Variants in RUVBL2 observed in about 807,000 individuals in gnomAD.
RUVBL2 encodes RuvB like AAA ATPase 2, also known as ruvB-like 2.
Under a neutral mutation model 57.9 loss-of-function variants are expected in RUVBL2, and 9 were observed. The observed-to-expected ratio is 0.16, with a 90% CI of 0.09 to 0.27. RUVBL2 has a LOEUF of 0.27. Among genes scored for constraint, RUVBL2 ranks in the 10% least tolerant of loss-of-function variants. The pLI is 1.00. For synonymous variants in RUVBL2, 278 were observed against 264.6 expected, an observed-to-expected ratio of 1.05 and a Z score of -0.49; for missense variants, 456 against 669.6, an observed-to-expected ratio of 0.68 and a Z score of 3.52.
At chr19:48,993,548 G>A (rs893379915), upstream of RUVBL2, 18 of 461,118 alleles carry the variant, frequency 3.9e-5, no homozygotes, top group South Asian at 1.5e-4. Context: ...TCTGGAGCTG[G>A]AGGCCTCAAA....
rs758169044 is a variant in RUVBL2, at chr19:49,004,343, C to T, written c.190C>T (p.Arg64Trp). The change falls in exon 4 of 15, where the codon CGG (arginine) becomes TGG (tryptophan). Residue 64 changes from arginine to tryptophan, a missense_variant. This residue lies in a region of RUVBL2 where 233 missense variants were observed against 306.0 expected (regional missense o/e 0.76). Transcript: ENST00000595090. ...RAAGVVLEMI[R>W]EGKIAGRAVL... is the part of the protein sequence containing the mutation. Reference sequence around the variant, plus strand: ...GGCTGGCGTGGTGCTGGAGATGATCCGGGAAGGGAAGATTGCCGGTCGGGC... The same window carrying T: ...GGCTGGCGTGGTGCTGGAGATGATCTGGGAAGGGAAGATTGCCGGTCGGGC... The T allele has an allele frequency of 1.1e-5, 18 of 1,612,490 alleles. No individual in the cohort carries two copies. Among genetic ancestry groups the T allele is most frequent in the Non-Finnish European group, 1.4e-5 (16 of 1,179,886 alleles).
At chr19:49,002,575 G>A (rs1336807952) in intron 2 of RUVBL2, among the ~76,000 whole-genome samples, 1 of 152,032 alleles carries the variant, frequency 6.6e-6, no homozygotes, top group East Asian at 1.9e-4. Context: ...AGCAGCCAGG[G>A]CTCTTGTTTC....
intron 12 of RUVBL2, 151 bp from the exon 13 acceptor site, chr19:49,014,870 C>T (rs894053984): frequency 1.7e-5 from 20 of 1,206,822 alleles, no homozygotes; most frequent in Admixed American, 2.6e-5. Flanking sequence ...CCCCTGTCTC[C>T]GTGGCTCTTC....
At chr19:49,005,921 G>C (rs2039273802) in intron 4 of RUVBL2, among the ~76,000 whole-genome samples, 1 of 152,294 alleles carries the variant, frequency 6.6e-6, no homozygotes, top group African/African-American at 2.4e-5. Context: ...ATTACAGGCG[G>C]GAGCCTGTAG....
chr19:49,007,646 C>T (rs912580228), intron 6 of RUVBL2, among the ~76,000 whole-genome samples: 2 of 152,120 alleles, frequency 1.3e-5, no homozygotes, highest in Admixed American at 6.5e-5. Flanking sequence ...CTTCAAAACT[C>T]GTTCCGTGGC....
rs2039379107 is a variant in RUVBL2, at chr19:49,010,069, G to GCGGCCGGGACT, written c.663+5_663+15dup. The GCGGCCGGGACT allele has an allele frequency of 2.5e-6, 4 of 1,604,374 alleles. No individual in the cohort carries two copies. Among genetic ancestry groups the GCGGCCGGGACT allele is most frequent in the Admixed American group, 1.7e-5 (1 of 58,526 alleles). ...ACTACGACGCTATGGGCTCCCAGGT[G>GCGGCCGGGACT]CGGCCGGGACTCCCGGGATCCCCTC... On this transcript the variant is annotated splice_donor_region_variant and intron_variant, in intron 8 of 14. Transcript: ENST00000595090.
chr19:49,010,367 T>G (rs767672794), intron 8 of RUVBL2, 121 bp from the exon 9 acceptor site: 2 of 1,034,182 alleles, frequency 1.9e-6, no homozygotes, highest in Non-Finnish European at 2.9e-6. Flanking sequence ...GATGACCCCA[T>G]TTAGCCTCCC....
chr19:49,005,034 G>A (rs2039256683), intron 4 of RUVBL2, among the ~76,000 whole-genome samples: 1 of 151,868 alleles, frequency 6.6e-6, no homozygotes, highest in African/African-American at 2.4e-5. Context: ...GGGAAGGTGG[G>A]TATTGAGGAG....
chr19:49,004,140 A>AT, intron 3 of RUVBL2, 137 bp from the exon 4 acceptor site: 1 of 975,626 alleles, frequency 1.0e-6, no homozygotes, highest in Non-Finnish European at 1.5e-6. Context: ...AAAAAAAAAA[A>AT]GCAGGGAAAG....
At chr19:49,015,473 A>T in intron 13 of RUVBL2, 99 bp from the exon 14 acceptor site, 1 of 984,608 alleles carries the variant, frequency 1.0e-6, no homozygotes, top group South Asian at 1.3e-5. Flanking sequence ...CTCACATGCC[A>T]CACTCTGCTG....
rs2039434040 is a variant in RUVBL2 at position 49,011,792 on chromosome 19, C to T, written c.1001+482C>T. The stretch of plus-strand genomic sequence containing the variant: ...GTGCTCTGCTGAAGCCTGGGAACCT[C>T]ATCTCCCAGGTGTTGCCAGCACCCT... On this transcript the variant is annotated intron_variant, in intron 11 of 14. Coordinates refer to ENST00000595090, the MANE Select transcript of RUVBL2 (RefSeq NM_006666.3). This position sits in a 1 kb window ranked among gnomAD's most constrained non-coding sequence, Gnocchi z 4.4. Among the ~76,000 whole-genome samples, 1 of 119,918 alleles carries T rather than the reference C, an allele frequency of 8.3e-6. No individual in the cohort carries two copies. Among genetic ancestry groups the T allele is most frequent in the Admixed American group, 9.9e-5 (1 of 10,142 alleles). The allele number at this position is 119,918 out of a possible 152,430, so 78.7% of individuals were successfully genotyped here.
intron 5 of RUVBL2, 76 bp from the exon 6 acceptor site, chr19:49,007,226 C>G: frequency 6.2e-7 from 1 of 1,607,620 alleles, no homozygotes; most frequent in African/African-American, 1.3e-5. Flanking sequence ...CGTCCTTTGT[C>G]CCAGAGCTCA....
chr19:49,015,971 C>T, downstream of RUVBL2: 1 of 1,614,238 alleles, frequency 6.2e-7, no homozygotes, highest in East Asian at 2.2e-5. Context: ...CAGAAAGACA[C>T]CTCCAGAGTG....
In RUVBL2 at chr19:49,010,560, G is replaced by A. The variant is rs1383666986; in HGVS notation, c.736G>A (p.Glu246Lys). 5 of 1,545,484 alleles carry A rather than the reference G, an allele frequency of 3.2e-6. No homozygotes were observed. The highest frequency in any genetic ancestry group is 1.8e-5 in the Admixed American group (1 of 56,810). Residue 246 changes from glutamate (E) to lysine (K), a missense_variant, in exon 9 of 15, where the codon GAG becomes AAG. Physicochemically the swap from Glu to Lys is moderately conservative, Grantham distance 56. Coordinates refer to ENST00000595090, the MANE Select transcript of RUVBL2 (RefSeq NM_006666.3). ...GGTGGTGCACACCGTGTCCCTGCAC[G>A]AGATCGACGTCATCAACTCTCGCAC... ...KEVVHTVSLHEIDVINSRTQG... is the reference protein window; with the variant it reads ...KEVVHTVSLHKIDVINSRTQG...
intron 6 of RUVBL2, among the ~76,000 whole-genome samples, chr19:49,009,132 G>T (rs1199182048): frequency 8.8e-6 from 1 of 113,804 alleles, no homozygotes; most frequent in Non-Finnish European, 1.6e-5. Context: ...CTGCACTCCA[G>T]CCTGGGCGAC....
chr19:48,998,866 A>G (rs992760926), intron 1 of RUVBL2, among the ~76,000 whole-genome samples: 3 of 151,642 alleles, frequency 2.0e-5, no homozygotes, highest in Non-Finnish European at 2.9e-5. Flanking sequence ...CATCTCTACT[A>G]AAAATACAAA....
intron 13 of RUVBL2, 45 bp from the exon 14 acceptor site, chr19:49,015,526 GC>G: frequency 7.1e-7 from 1 of 1,415,478 alleles, no homozygotes; most frequent in Non-Finnish European, 1.0e-6. Context: ...TGTGCCTTGA[GC>G]CTCACGGAGA....
intron 8 of RUVBL2, 59 bp downstream of exon 8, chr19:49,010,125 C>A: frequency 6.9e-7 from 1 of 1,446,244 alleles, no homozygotes; most frequent in South Asian, 1.2e-5. Context: ...TTCATCTCCT[C>A]CATCACCCCC....
chr19:49,010,467 T>TGGGGGGGG, intron 8 of RUVBL2, 21 bp from the exon 9 acceptor site: 1 of 1,401,202 alleles, frequency 7.1e-7, no homozygotes, highest in Non-Finnish European at 9.9e-7. Flanking sequence ...CCGCCGTTCT[T>TGGGGGGGG]CCCCCACCCC....
Sources: gnomAD v4.1 joint callset for allele counts (sites outside exome capture counted in the v4.1 genomes callset) on GRCh38, gnomAD v4.1.1 for gene constraint, gnomAD v4.1.1 regional missense constraint, Gnocchi (gnomAD v3.1) non-coding constraint, MANE v1.5 for transcripts, NCBI Gene and HGNC (gene_info 2026-07-23, HGNC 2026-07-21) for gene names.